Variants in PKN2 observed in about 807,000 individuals in gnomAD.
PKN2 encodes serine/threonine-protein kinase N2.
Under a neutral mutation model 119.1 loss-of-function variants are expected in PKN2, and 38 were observed. The ratio of observed to expected loss-of-function variants is 0.32; its 90% CI spans 0.25 to 0.42. The LOEUF (loss-of-function observed/expected upper bound fraction) is 0.42. Among genes scored for constraint, PKN2 ranks in the 10% least tolerant of loss-of-function variants. The pLI is 1.00. For synonymous variants in PKN2, 390 were observed against 384.9 expected, an observed-to-expected ratio of 1.01 and a Z score of -0.15; for missense variants, 850 against 1,165.1, an observed-to-expected ratio of 0.73 and a Z score of 3.94.
At chr1:88,744,010 A>T (rs1329967233) in intron 2 of PKN2, among the ~76,000 whole-genome samples, 1 of 152,178 alleles carries the variant, frequency 6.6e-6, no homozygotes, top group Non-Finnish European at 1.5e-5. Context: ...TTATTAAAAA[A>T]ATTCTGTTTG....
chr1:88,697,963 T>C (rs1666609064), intron 1 of PKN2, among the ~76,000 whole-genome samples: 1 of 152,226 alleles, frequency 6.6e-6, no homozygotes, highest in Admixed American at 6.5e-5. Context: ...TCCTACTTCA[T>C]TTTCTCTTCT....
rs149057939 is a variant in PKN2 at position 88,803,161 on chromosome 1, C to T, written c.1282-1230C>T. The stretch of plus-strand genomic sequence containing the variant: ...AGAGAGAAGAAATGAGGTGGAAGGC[C>T]CTGAGATCACATTCTCACTGCCATA... On this transcript the variant is annotated intron_variant, in intron 8 of 21. Coordinates refer to ENST00000370521, the MANE Select transcript of PKN2 (RefSeq NM_006256.4). Among the ~76,000 whole-genome samples the T allele has an allele frequency of 9.1e-3, 1,388 of 152,188 alleles. 63 individuals are homozygous for T. Among genetic ancestry groups the T allele is most frequent in the Admixed American group, 0.083 (1,269 of 15,280 alleles).
intron 8 of PKN2, among the ~76,000 whole-genome samples, chr1:88,788,560 C>T (rs933304439): frequency 2.6e-5 from 4 of 152,090 alleles, no homozygotes; most frequent in African/African-American, 9.7e-5. Context: ...ATTCTCCTGC[C>T]TTAGCCTCCT....
intron 9 of PKN2, 139 bp from the exon 10 acceptor site, chr1:88,804,707 A>G (rs1478430276): frequency 6.7e-6 from 5 of 751,328 alleles, no homozygotes; most frequent in Non-Finnish European, 1.1e-5. Flanking sequence ...TATTCTTCCT[A>G]TGTCTGTTTT....
Position 88,741,221 on chromosome 1 carries a change from A to C in PKN2, c.282A>C (p.Glu94Asp), listed in dbSNP as rs12039846. 1.7e-4 allele frequency: 271 copies of C among 1,602,294 alleles called. No individual in the cohort carries two copies. In the East Asian group the frequency reaches 5.6e-3, roughly 33 times the overall value. The change falls in exon 2 of 22, where the codon GAA becomes GAC. Residue 94 changes from glutamate to aspartate, a missense_variant. Glu to Asp is a conservative substitution (Grantham distance 45). Transcript: ENST00000370521. ...TGAAAAAATCAAATAAAAAATTAGAAGAACTACATCACAAGCTGCAGGAAT... is the reference window on the plus strand; with the variant it reads ...TGAAAAAATCAAATAAAAAATTAGACGAACTACATCACAAGCTGCAGGAAT... ...NILKKSNKKL[E>D]ELHHKLQELN...
intron 1 of PKN2, among the ~76,000 whole-genome samples, chr1:88,705,736 G>A (rs1344666144): frequency 6.6e-6 from 1 of 151,944 alleles, no homozygotes; most frequent in African/African-American, 2.4e-5. Context: ...CCACTGAATT[G>A]CCTTTATATC....
chr1:88,801,992 A>G (rs1243598241), intron 8 of PKN2, among the ~76,000 whole-genome samples: 4 of 152,238 alleles, frequency 2.6e-5, no homozygotes, highest in Non-Finnish European at 5.9e-5. Context: ...TTGCTTATGA[A>G]AGGTTTAAGG....
intron 19 of PKN2, chr1:88,829,412 A>G (rs1672642217): frequency 3.8e-6 from 1 of 264,760 alleles, no homozygotes; most frequent in African/African-American, 2.2e-5. Flanking sequence ...AACTTCCTAG[A>G]TTGTTAAATA....
chr1:88,767,533 A>G (rs72955426), intron 3 of PKN2, among the ~76,000 whole-genome samples: 10,179 of 152,194 alleles, frequency 0.067, 699 homozygotes, highest in African/African-American at 0.18. Flanking sequence ...GCTACATGGT[A>G]TAGCCTATTG....
At chr1:88,825,365 A>G (rs529680904) in intron 18 of PKN2, among the ~76,000 whole-genome samples, 11 of 152,146 alleles carry the variant, frequency 7.2e-5, no homozygotes, top group Admixed American at 1.3e-4. Flanking sequence ...TTCCTTTCCT[A>G]TGGATTCCAA....
intron 2 of PKN2, among the ~76,000 whole-genome samples, chr1:88,743,515 T>A (rs1668654132): frequency 1.3e-5 from 2 of 152,224 alleles, no homozygotes; most frequent in South Asian, 4.1e-4. Context: ...TTTTTAGGTA[T>A]TACCATAAAA....
At chr1:88,762,195 CAG>C (rs1315894864) in intron 3 of PKN2, among the ~76,000 whole-genome samples, 6 of 152,312 alleles carry the variant, frequency 3.9e-5, no homozygotes, top group Non-Finnish European at 4.4e-5. Flanking sequence ...CTAAGTTGAA[CAG>C]AGTTATGGAC....
At chr1:88,774,548 G>A (rs1262741090) in intron 6 of PKN2, among the ~76,000 whole-genome samples, 2 of 151,970 alleles carry the variant, frequency 1.3e-5, no homozygotes, top group African/African-American at 4.8e-5. Flanking sequence ...CTTAGAGGCT[G>A]TCTTCCAGAA....
intron 18 of PKN2, among the ~76,000 whole-genome samples, chr1:88,826,440 A>AT (rs1195944421): frequency 6.6e-6 from 1 of 151,336 alleles, no homozygotes; most frequent in Non-Finnish European, 1.5e-5. Context: ...TTTTATTTTT[A>AT]TTTATATAAA....
chr1:88,775,952 A>G (rs1027923129), intron 6 of PKN2, among the ~76,000 whole-genome samples: 1 of 151,794 alleles, frequency 6.6e-6, no homozygotes, highest in Admixed American at 6.6e-5. Flanking sequence ...AAAAATACAA[A>G]AAAAAATTAG....
At chr1:88,709,952 A>G (rs186710342) in intron 1 of PKN2, among the ~76,000 whole-genome samples, 11 of 152,278 alleles carry the variant, frequency 7.2e-5, no homozygotes, top group Admixed American at 1.3e-4. Context: ...AGGGACAGGT[A>G]AAAAAATGAT....
chr1:88,813,057 C>T (rs562585551), intron 15 of PKN2, among the ~76,000 whole-genome samples: 23 of 152,114 alleles, frequency 1.5e-4, no homozygotes, highest in African/African-American at 5.3e-4. Context: ...TCTTTATTTT[C>T]TAGTCTTTTA....
At chr1:88,705,202 A>G (rs1666928422) in intron 1 of PKN2, among the ~76,000 whole-genome samples, 1 of 150,354 alleles carries the variant, frequency 6.7e-6, no homozygotes, top group Non-Finnish European at 1.5e-5. Flanking sequence ...GTTTATCAAC[A>G]TTTTTCTTTT....
chr1:88,827,682 C>A (rs12073606), intron 18 of PKN2, among the ~76,000 whole-genome samples: 73,653 of 136,970 alleles, frequency 0.54, 20,354 homozygotes, highest in Middle Eastern at 0.8. Flanking sequence ...CTCTCTCTCT[C>A]TCTATATATA....
Sources: allele counts gnomAD v4.1 joint callset (sites outside exome capture counted in the v4.1 genomes callset), GRCh38; gene constraint gnomAD v4.1.1; transcripts MANE v1.5; gene names NCBI Gene and HGNC (gene_info 2026-07-23, HGNC 2026-07-21).